Variants in SCNN1B observed in about 807,000 individuals in gnomAD.
SCNN1B encodes sodium channel epithelial 1 subunit beta.
SCNN1B carries 46 observed loss-of-function variants against 65.3 expected under a neutral mutation model. The ratio of observed to expected loss-of-function variants is 0.70; its 90% CI spans 0.56 to 0.90. The LOEUF is 0.90. Among genes scored for constraint, SCNN1B ranks in the 40% least tolerant of loss-of-function variants. The pLI is 0.00. For synonymous variants in SCNN1B, 349 were observed against 330.6 expected (o/e 1.06, Z -0.60); for missense variants, 751 against 830.5 (o/e 0.90, Z 1.18).
chr16:23,310,892 T>A (rs757183763), intron 1 of SCNN1B, among the ~76,000 whole-genome samples: 2 of 152,232 alleles, frequency 1.3e-5, no homozygotes, highest in African/African-American at 2.4e-5. Context: ...TTGGTGAAGA[T>A]GCAGGAAAAC....
chr16:23,372,553 G>A (rs1457117727), intron 7 of SCNN1B, among the ~76,000 whole-genome samples: 1 of 149,644 alleles, frequency 6.7e-6, no homozygotes, highest in African/African-American at 2.5e-5. Flanking sequence ...GGAGTGCGGT[G>A]GCGTGATATT....
At chr16:23,280,215 T>C (rs1490146248) in intron 1 of SCNN1B, among the ~76,000 whole-genome samples, 2 of 152,038 alleles carry the variant, frequency 1.3e-5, no homozygotes, top group Non-Finnish European at 2.9e-5. Context: ...TTTTTATTTT[T>C]ATTTTTTTAA....
At position 23,355,224 on chromosome 16, in the gene SCNN1B, G is replaced by C; in HGVS notation, c.586-75G>C. 4.1e-6 allele frequency: 6 copies of C among 1,463,734 alleles called. No homozygotes were observed. The South Asian group carries it at 6.8e-5, about 17-fold the overall frequency. The allele number at this position is 1,463,734 out of a possible 1,614,324, so 90.7% of individuals were successfully genotyped here. A position where few individuals can be genotyped will look rare whatever the true frequency, so the allele number is the denominator to read the frequency against. On this transcript the variant is annotated intron_variant, in intron 3 of 12. Coordinates refer to ENST00000343070, the MANE Select transcript of SCNN1B (RefSeq NM_000336.3). ...GCAAAGCACAGCTCTTGCCCTGCTA[G>C]GGCCCTCGAGCAGTGGCTGGGGTCC...
At chr16:23,313,925 T>G (rs1961397661) in intron 1 of SCNN1B, among the ~76,000 whole-genome samples, 1 of 152,268 alleles carries the variant, frequency 6.6e-6, no homozygotes, top group South Asian at 2.1e-4. Context: ...ATTTTTTAAG[T>G]ATGACTACAT....
chr16:23,306,704 T>C (rs1363771339), intron 1 of SCNN1B, among the ~76,000 whole-genome samples: 1 of 152,130 alleles, frequency 6.6e-6, no homozygotes, highest in East Asian at 1.9e-4. Flanking sequence ...TCTGGAGCAG[T>C]GGAGTGAGAA....
chr16:23,329,517 T>C (rs1342543809), intron 1 of SCNN1B, among the ~76,000 whole-genome samples: 2 of 152,206 alleles, frequency 1.3e-5, no homozygotes, highest in Non-Finnish European at 2.9e-5. Context: ...GATGCACCCA[T>C]AGTGCTGTGA....
chr16:23,323,635 C>T (rs571404633), intron 1 of SCNN1B: 3 of 702,358 alleles, frequency 4.3e-6, no homozygotes, highest in Non-Finnish European at 5.2e-6. Flanking sequence ...GGGTTTGAAC[C>T]CAACTTCTTA....
chr16:23,323,222 T>C (rs1408200230), intron 1 of SCNN1B, among the ~76,000 whole-genome samples: 1 of 148,816 alleles, frequency 6.7e-6, no homozygotes, highest in East Asian at 1.9e-4. Flanking sequence ...AAACTGGGGC[T>C]ACGGAGGAGG....
intron 1 of SCNN1B, among the ~76,000 whole-genome samples, chr16:23,310,331 A>T (rs977471161): frequency 1.3e-5 from 2 of 149,884 alleles, no homozygotes; most frequent in Non-Finnish European, 3.0e-5. Flanking sequence ...AAACTCAGGC[A>T]TTCCAAGCTA....
At chr16:23,304,488 G>C (rs936080209) in intron 1 of SCNN1B, among the ~76,000 whole-genome samples, 3 of 152,190 alleles carry the variant, frequency 2.0e-5, no homozygotes, top group African/African-American at 4.8e-5. Flanking sequence ...GTTCTGCCTG[G>C]CCATGCCCCA....
At chr16:23,299,360 G>A (rs539895654), upstream of SCNN1B, among the ~76,000 whole-genome samples, 8 of 151,928 alleles carry the variant, frequency 5.3e-5, no homozygotes, top group African/African-American at 1.2e-4. Flanking sequence ...CCGCCCAGCC[G>A]AAATTGCTAT....
intron 1 of SCNN1B, among the ~76,000 whole-genome samples, chr16:23,333,707 C>G (rs569538465): frequency 6.6e-6 from 1 of 152,070 alleles, no homozygotes; most frequent in Admixed American, 6.5e-5. Flanking sequence ...TGCAATGGCT[C>G]GCACTTGTAA....
chr16:23,360,166 C>G lies in SCNN1B; in HGVS notation c.776+4677C>G, dbSNP rs188498196. The stretch of plus-strand genomic sequence containing the variant: ...TGAGCTGAGATCATGCCACTGCACT[C>G]CAGCCTGGGAGAGAGAGCGAGACTC... On this transcript the variant is annotated intron_variant, in intron 4 of 12. Coordinates refer to ENST00000343070, the MANE Select transcript of SCNN1B (RefSeq NM_000336.3). 1.3e-3 allele frequency among the ~76,000 whole-genome samples: 197 copies of G among 151,124 alleles called. 2 individuals are homozygous for G. The highest frequency in any genetic ancestry group is 0.011 in the South Asian group (50 of 4,750).
chr16:23,343,475 AAAGGAAGGAAGG>A (rs569501062), intron 1 of SCNN1B, among the ~76,000 whole-genome samples: 11 of 113,132 alleles, frequency 9.7e-5, no homozygotes, highest in South Asian at 5.7e-4. Context: ...GAAAAGAAAG[AAAGGAAGGAAGG>A]AAGGAAGGAA....
chr16:23,314,831 T>C (rs529520526), intron 1 of SCNN1B, among the ~76,000 whole-genome samples: 1 of 152,340 alleles, frequency 6.6e-6, no homozygotes, highest in African/African-American at 2.4e-5. Flanking sequence ...CCTGGCTTCC[T>C]ACTGCCAGAT....
intron 1 of SCNN1B, among the ~76,000 whole-genome samples, chr16:23,345,338 A>G (rs1216086783): frequency 1.3e-5 from 2 of 152,218 alleles, no homozygotes; most frequent in African/African-American, 4.8e-5. Flanking sequence ...TTATTTTACT[A>G]TTAAGCTTCT....
chr16:23,293,673 T>C (rs572485323), intron 2 of SCNN1B, among the ~76,000 whole-genome samples: 1 of 152,258 alleles, frequency 6.6e-6, no homozygotes, highest in South Asian at 2.1e-4. Flanking sequence ...ATGCCTGTGA[T>C]CCCAGCACTT....
At chr16:23,321,775 C>A (rs990247914) in intron 1 of SCNN1B, among the ~76,000 whole-genome samples, 1 of 152,094 alleles carries the variant, frequency 6.6e-6, no homozygotes, top group Non-Finnish European at 1.5e-5. Context: ...GTAATCCCAG[C>A]GCTTTGGGAG....
chr16:23,289,662 C>A (rs1401472665), intron 2 of SCNN1B, among the ~76,000 whole-genome samples: 1 of 149,114 alleles, frequency 6.7e-6, no homozygotes, highest in Non-Finnish European at 1.5e-5. Context: ...GTTTACTACT[C>A]CAATATTTAA....
Sources: allele counts gnomAD v4.1 joint callset (sites outside exome capture counted in the v4.1 genomes callset), GRCh38; gene constraint gnomAD v4.1.1; transcripts MANE v1.5; gene names NCBI Gene and HGNC (gene_info 2026-07-23, HGNC 2026-07-21).